The following RDM1 variants were observed in gnomAD, a reference collection of about 807,000 sequenced individuals.
RDM1 encodes RAD52 motif containing 1.
A neutral mutation model predicts 27.7 loss-of-function variants in RDM1; 28 were observed. The observed-to-expected ratio is 1.01, with a 90% CI of 0.75 to 1.39. The LOEUF (loss-of-function observed/expected upper bound fraction) is 1.39, where lower values mean the gene tolerates loss of function less well. RDM1 is among the 40% of genes most tolerant of loss of function. The pLI is 0.00. For synonymous variants in RDM1, 124 were observed against 127.5 expected (o/e 0.97, Z 0.19); for missense variants, 277 against 337.3 (o/e 0.82, Z 1.40).
intron 5 of RDM1, among the ~76,000 whole-genome samples, 184 bp from the exon 6 acceptor site, chr17:35,920,456 C>CTTTTTTTTT (rs60990791): frequency 2.5e-4 from 30 of 118,000 alleles, no homozygotes; most frequent in East Asian, 4.6e-4. Flanking sequence ...TTCTTTCTTT[C>CTTTTTTTTT]TTTTTTTTTT....
intron 2 of RDM1, 143 bp from the exon 3 acceptor site, chr17:35,925,780 C>G: frequency 2.2e-6 from 2 of 910,638 alleles, no homozygotes; most frequent in Non-Finnish European, 3.3e-6. Flanking sequence ...GAGAATATGA[C>G]CTGAATATAG....
Position 35,918,222 on chromosome 17 carries a change from C to G in RDM1, c.*120G>C. 2 of 766,744 alleles carry G rather than the reference C, an allele frequency of 2.6e-6. No homozygotes were observed. Among genetic ancestry groups the G allele is most frequent in the Non-Finnish European group, 4.4e-6 (2 of 456,986 alleles). 47.5% of individuals were successfully genotyped at this position (766,744 alleles called of 1,614,324 possible). On this transcript the variant is annotated 3_prime_UTR_variant, in exon 7 of 7. Coordinates refer to ENST00000620284, the MANE Select transcript of RDM1 (RefSeq NM_145654.4). ...TCCCCTTCGCCAGGAAAGATTTGGG[C>G]GGCCGACCCAGGTGGTTCCAGGACT... is the stretch of plus-strand genomic sequence containing the variant.
At position 35,924,743 on chromosome 17, in the gene RDM1, CCTTT is replaced by C; in HGVS notation, c.425_428del (p.Glu142GlyfsTer15). On this transcript the variant is annotated frameshift_variant, in exon 4 of 7. Transcript: ENST00000620284. LOFTEE classifies it high-confidence loss of function. Reference sequence around the variant, plus strand: ...GTGGCACCATGCTATCTTCATTTTCCCTTTCTTCAAGGTCAGAAAGCTCCTGAAG... The same window carrying C: ...GTGGCACCATGCTATCTTCATTTTCCCTTCAAGGTCAGAAAGCTCCTGAAG... The C allele has an allele frequency of 6.2e-7, 1 of 1,614,090 alleles. No individual in the cohort carries two copies. The highest frequency in any genetic ancestry group is 8.5e-7 in the Non-Finnish European group (1 of 1,179,978).
intron 2 of RDM1, among the ~76,000 whole-genome samples, chr17:35,927,485 A>C (rs1021255111): frequency 6.6e-6 from 1 of 152,102 alleles, no homozygotes. Flanking sequence ...AAAACCCAAA[A>C]AGCAAAAACA....
chr17:35,925,513 A>G lies in RDM1; in HGVS notation c.399+2T>C. 1 of 1,612,774 alleles carries G rather than the reference A, an allele frequency of 6.2e-7. No individual in the cohort carries two copies. Among genetic ancestry groups the G allele is most frequent in the Non-Finnish European group, 8.5e-7 (1 of 1,179,948 alleles). On this transcript the variant is annotated splice_donor_variant, in intron 3 of 6. Coordinates refer to ENST00000620284, the MANE Select transcript of RDM1 (RefSeq NM_145654.4). LOFTEE classifies it high-confidence loss of function. ...AAGTGAAAAAAAATCTACAAGGTTT[A>G]CCTTGATGATCCTTTTGGAACACCC...
chr17:35,926,981 A>G (rs2089174239), intron 2 of RDM1, among the ~76,000 whole-genome samples: 1 of 152,066 alleles, frequency 6.6e-6, no homozygotes, highest in Non-Finnish European at 1.5e-5. Flanking sequence ...CACTGGCGAG[A>G]CCGGCCTGTA....
At chr17:35,926,174 C>G (rs1240521643) in intron 2 of RDM1, among the ~76,000 whole-genome samples, 1 of 146,516 alleles carries the variant, frequency 6.8e-6, no homozygotes, top group Admixed American at 6.9e-5. Flanking sequence ...ATAAATTTTA[C>G]ATGCAACTGA....
At chr17:35,923,073 G>C (rs2089004723) in intron 4 of RDM1, among the ~76,000 whole-genome samples, 1 of 152,208 alleles carries the variant, frequency 6.6e-6, no homozygotes, top group East Asian at 1.9e-4. Context: ...CCAGCACCTG[G>C]GGAGGCTGAG....
intron 2 of RDM1, among the ~76,000 whole-genome samples, chr17:35,928,955 G>C (rs2089239634): frequency 6.6e-6 from 1 of 151,114 alleles, no homozygotes; most frequent in Non-Finnish European, 1.5e-5. Context: ...GGCGCCTGTA[G>C]TCCCAGCTAC....
At chr17:35,925,675 C>T (rs752215345) in intron 2 of RDM1, 38 bp from the exon 3 acceptor site, 17 of 1,571,332 alleles carry the variant, frequency 1.1e-5, no homozygotes, top group East Asian at 4.5e-5. Flanking sequence ...ATATCACAAC[C>T]GCTAGAGATT....
intron 2 of RDM1, 126 bp from the exon 3 acceptor site, chr17:35,925,763 C>T (rs7222534): frequency 9.3e-7 from 1 of 1,079,140 alleles, no homozygotes; most frequent in Non-Finnish European, 1.3e-6. Context: ...TTCAGTAGTT[C>T]CTGCTTGAGA....
chr17:35,919,139 TCAAAA>T (rs1430782232), intron 6 of RDM1, among the ~76,000 whole-genome samples: 1 of 152,162 alleles, frequency 6.6e-6, no homozygotes, highest in Non-Finnish European at 1.5e-5. Context: ...GGGAAAAACT[TCAAAA>T]CAAAACGCTT....
At chr17:35,926,815 A>G (rs1028569283) in intron 2 of RDM1, among the ~76,000 whole-genome samples, 1 of 152,194 alleles carries the variant, frequency 6.6e-6, no homozygotes, top group Non-Finnish European at 1.5e-5. Flanking sequence ...TCCAGAACTA[A>G]GCATAGTTCT....
rs1022377749 is a variant in RDM1, at chr17:35,918,093, C to A, written c.*249G>T. 13 of 569,416 alleles carry A rather than the reference C, an allele frequency of 2.3e-5. No individual in the cohort carries two copies. Among genetic ancestry groups the A allele is most frequent in the African/African-American group, 1.7e-4 (9 of 53,304 alleles). The allele number at this position is 569,416 out of a possible 1,614,324, so 35.3% of individuals were successfully genotyped here. ...ATTTACCATATCTTTATCTAGGCAACCTTTATTAAGTTCCGTTCGAGATCC... is the reference window on the plus strand; with the variant it reads ...ATTTACCATATCTTTATCTAGGCAAACTTTATTAAGTTCCGTTCGAGATCC... On this transcript the variant is annotated 3_prime_UTR_variant, in exon 7 of 7. Transcript: ENST00000620284.
rs552997873 is a variant in RDM1 at position 35,928,749 on chromosome 17, C to T, written c.276+1327G>A. On this transcript the variant is annotated intron_variant, in intron 2 of 6. Transcript: ENST00000620284. ...TGCACTCCAGCCTGGGCAACAAGAG[C>T]GAAACTCTGTCTTTAAAAAAAAAAA... is the stretch of plus-strand genomic sequence containing the variant. Among the ~76,000 whole-genome samples, 39 of 140,168 alleles carry T rather than the reference C, an allele frequency of 2.8e-4. No individual in the cohort carries two copies. In the South Asian group the frequency reaches 3.0e-3, roughly 11 times the overall value. The allele number at this position is 140,168 out of a possible 152,430, so 92.0% of individuals were successfully genotyped here. A position where few individuals can be genotyped will look rare whatever the true frequency, so the allele number is the denominator to read the frequency against.
intron 4 of RDM1, among the ~76,000 whole-genome samples, chr17:35,922,962 G>A (rs1424196461): frequency 6.6e-6 from 1 of 152,136 alleles, no homozygotes; most frequent in East Asian, 1.9e-4. Context: ...GATCAGTTAA[G>A]GCTACACTCC....
rs2141943293 is a variant in RDM1, at chr17:35,925,578, G to A, written c.336C>T (p.Ser112=). 3 of 1,614,144 alleles carry A rather than the reference G, an allele frequency of 1.9e-6. No homozygotes were observed. The South Asian group carries it at 3.3e-5, about 18-fold the overall frequency. ...VQHQALALNS[S]KCQELANYYF... is the part of the protein sequence containing the mutation. ...AGTAATTCGCCAGTTCTTGGCATTTGGAACTGTTCAGGGCAAGGGCTTGAT... is the reference window on the plus strand; with the variant it reads ...AGTAATTCGCCAGTTCTTGGCATTTAGAACTGTTCAGGGCAAGGGCTTGAT... The change falls in exon 3 of 7, where the codon TCC becomes TCT. Residue 112 remains serine, a synonymous_variant. Coordinates refer to ENST00000620284, the MANE Select transcript of RDM1 (RefSeq NM_145654.4).
At chr17:35,927,516 G>C (rs1377394632) in intron 2 of RDM1, among the ~76,000 whole-genome samples, 3 of 152,030 alleles carry the variant, frequency 2.0e-5, no homozygotes, top group Non-Finnish European at 2.9e-5. Context: ...AGGTGCCTTA[G>C]GCCTTTCCTT....
Position 35,918,308 on chromosome 17 carries a change from G to A in RDM1, c.*34C>T. 1 of 1,577,446 alleles carries A rather than the reference G, an allele frequency of 6.3e-7. No individual in the cohort carries two copies. Among genetic ancestry groups the A allele is most frequent in the Non-Finnish European group, 8.7e-7 (1 of 1,148,552 alleles). On this transcript the variant is annotated 3_prime_UTR_variant, in exon 7 of 7. Coordinates refer to ENST00000620284, the MANE Select transcript of RDM1 (RefSeq NM_145654.4). ...GGGCACGACAGAGCTTCCCAAGGAAGTTACATGACCTCGCCTTGGGATATT... is the reference window on the plus strand; with the variant it reads ...GGGCACGACAGAGCTTCCCAAGGAAATTACATGACCTCGCCTTGGGATATT...
Sources: gnomAD v4.1 joint callset for allele counts (sites outside exome capture counted in the v4.1 genomes callset) on GRCh38, gnomAD v4.1.1 for gene constraint, MANE v1.5 for transcripts, NCBI Gene and HGNC (gene_info 2026-07-23, HGNC 2026-07-21) for gene names.